Variants in DLG2 observed in about 807,000 individuals in gnomAD.
The protein encoded by DLG2 is disks large homolog 2.
DLG2 carries 45 observed loss-of-function variants against 132.5 expected under a neutral mutation model. The observed-to-expected ratio is 0.34, with a 90% CI of 0.27 to 0.44. The LOEUF (loss-of-function observed/expected upper bound fraction) is 0.44. DLG2 is among the 20% of genes least tolerant of loss of function. The probability of loss-of-function intolerance (pLI) is 1.00; values close to 1 mark genes in which losing one functional copy is unlikely to be tolerated. For synonymous variants in DLG2, 424 were observed against 419.6 expected, an observed-to-expected ratio of 1.01 and a Z score of -0.13; for missense variants, 1,045 against 1,196.9, an observed-to-expected ratio of 0.87 and a Z score of 1.87.
At chr11:84,684,418 T>A (rs1425635130) in intron 6 of DLG2, among the ~76,000 whole-genome samples, 1 of 152,182 alleles carries the variant, frequency 6.6e-6, no homozygotes, top group East Asian at 1.9e-4. Context: ...TCTAAGCCTC[T>A]CCACTCCATT....
At chr11:83,672,149 TTTCCTTCCC>T (rs1179973935) in intron 18 of DLG2, among the ~76,000 whole-genome samples, 3 of 151,942 alleles carry the variant, frequency 2.0e-5, no homozygotes, top group Admixed American at 2.0e-4. Flanking sequence ...CCTTCTTTCC[TTTCCTTCCC>T]TTCCTTCCCT....
In DLG2 at chr11:84,468,764, A is replaced by G. The variant is rs562610339; in HGVS notation, c.519+65806T>C. Among the ~76,000 whole-genome samples the G allele has an allele frequency of 1.3e-4, 19 of 151,778 alleles. No homozygotes were observed. The South Asian group carries it at 3.7e-3, about 30-fold the overall frequency. On this transcript the variant is annotated intron_variant, in intron 7 of 27. Transcript: ENST00000376104. Reference sequence around the variant, plus strand: ...TACTAGAATATTTGTAAAATACACAAAATTTTAGAGTTTAATATACAAACC... The same window carrying G: ...TACTAGAATATTTGTAAAATACACAGAATTTTAGAGTTTAATATACAAACC...
At position 85,507,500 on chromosome 11, in the gene DLG2, A is replaced by G. The variant is rs142326465; in HGVS notation, c.40+91157T>C. 5.8e-3 allele frequency among the ~76,000 whole-genome samples: 885 copies of G among 152,232 alleles called. 10 individuals are homozygous for G. The highest frequency in any genetic ancestry group is 0.021 in the African/African-American group (861 of 41,558). Reference sequence around the variant, plus strand: ...AGTTTGGTTGGATATGAAATTCTGGATTGAAAATTATTTTCTTTAAGAAAG... The same window carrying G: ...AGTTTGGTTGGATATGAAATTCTGGGTTGAAAATTATTTTCTTTAAGAAAG... On this transcript the variant is annotated intron_variant, in intron 3 of 27. Transcript: ENST00000376104.
At position 83,921,505 on chromosome 11, in the gene DLG2, T is replaced by C. The variant is rs372121836; in HGVS notation, c.1496+8823A>G. Among the ~76,000 whole-genome samples, 90 of 152,300 alleles carry C rather than the reference T, an allele frequency of 5.9e-4. 1 individual carries two copies. In the South Asian group the frequency reaches 0.018, roughly 30 times the overall value. On this transcript the variant is annotated intron_variant, in intron 15 of 27. Coordinates refer to ENST00000376104, the MANE Select transcript of DLG2 (RefSeq NM_001142699.3). ...TATAAGGTTAAAATGAGTTGGTACA[T>C]ATAAAACTTCTGGAATAGCGCATAG...
chr11:84,961,526 T>TTGTGTTTG, intron 6 of DLG2, among the ~76,000 whole-genome samples: 1 of 143,892 alleles, frequency 6.9e-6, no homozygotes, highest in African/African-American at 2.6e-5. Context: ...AATTGTATCT[T>TTGTGTTTG]TGTGTGTGTG....
chr11:84,171,859 G>C (rs922534280), intron 8 of DLG2, among the ~76,000 whole-genome samples: 2 of 152,076 alleles, frequency 1.3e-5, no homozygotes, highest in Non-Finnish European at 2.9e-5. Flanking sequence ...CATTACAAAA[G>C]CCTGAGGCTT....
chr11:84,499,978 T>A (rs1227582465), intron 7 of DLG2, among the ~76,000 whole-genome samples: 1 of 152,134 alleles, frequency 6.6e-6, no homozygotes, highest in Non-Finnish European at 1.5e-5. Context: ...TTAAAATAAT[T>A]ACTGATGATC....
chr11:84,824,278 C>A (rs574088982), intron 6 of DLG2, among the ~76,000 whole-genome samples: 1 of 152,010 alleles, frequency 6.6e-6, no homozygotes, highest in Non-Finnish European at 1.5e-5. Context: ...TCATTCTATA[C>A]TAGGTGCTAT....
chr11:83,897,538 C>G (rs1436280072), intron 15 of DLG2, among the ~76,000 whole-genome samples: 1 of 152,130 alleles, frequency 6.6e-6, no homozygotes, highest in Non-Finnish European at 1.5e-5. Flanking sequence ...AATCTCTGCT[C>G]TCTAAATAAC....
chr11:83,503,537 A>G (rs977930706), intron 21 of DLG2, among the ~76,000 whole-genome samples: 2 of 151,364 alleles, frequency 1.3e-5, no homozygotes, highest in African/African-American at 2.4e-5. Flanking sequence ...AAGAGAAAGG[A>G]GAGCCAGTCC....
At chr11:84,537,962 T>C (rs541863536) in intron 6 of DLG2, among the ~76,000 whole-genome samples, 4 of 152,352 alleles carry the variant, frequency 2.6e-5, no homozygotes, top group African/African-American at 9.6e-5. Flanking sequence ...CTTGACACAA[T>C]CTAAAAGGAC....
chr11:84,697,860 T>C (rs2058779683), intron 6 of DLG2, among the ~76,000 whole-genome samples: 1 of 151,446 alleles, frequency 6.6e-6, no homozygotes, highest in Admixed American at 6.6e-5. Context: ...ATGTTACAGC[T>C]AGATGGACCT....
At chr11:83,471,528 C>A (rs2092022640) in intron 24 of DLG2, 98 bp downstream of exon 24, 1 of 836,868 alleles carries the variant, frequency 1.2e-6, no homozygotes, top group Admixed American at 2.2e-5. Context: ...ATTTGAATTA[C>A]TGGAGAGACT....
chr11:85,066,715 G>A (rs575296597), intron 6 of DLG2, among the ~76,000 whole-genome samples: 16 of 151,494 alleles, frequency 1.1e-4, no homozygotes, highest in East Asian at 2.0e-4. Context: ...AACAGACACC[G>A]AAAAAGCATT....
At chr11:84,849,733 C>T (rs905359101) in intron 6 of DLG2, among the ~76,000 whole-genome samples, 1 of 152,094 alleles carries the variant, frequency 6.6e-6, no homozygotes, top group Admixed American at 6.6e-5. Flanking sequence ...TCTTTTATAG[C>T]ACTTACAACG....
At chr11:84,258,445 A>G (rs1046489180) in intron 7 of DLG2, among the ~76,000 whole-genome samples, 2 of 152,208 alleles carry the variant, frequency 1.3e-5, no homozygotes, top group East Asian at 3.9e-4. Flanking sequence ...TAACAAGAAT[A>G]ACAATAATAA....
chr11:84,879,028 T>C (rs956034596), intron 6 of DLG2, among the ~76,000 whole-genome samples: 3 of 152,066 alleles, frequency 2.0e-5, no homozygotes, highest in African/African-American at 4.8e-5. Flanking sequence ...TCAGCAGGGG[T>C]GTAGAGCTTC....
intron 6 of DLG2, among the ~76,000 whole-genome samples, chr11:84,772,450 T>C (rs1312430622): frequency 6.6e-6 from 1 of 152,140 alleles, no homozygotes; most frequent in Non-Finnish European, 1.5e-5. Flanking sequence ...CTGGATCTAA[T>C]AGACATCTAC....
At chr11:83,627,579 T>C (rs181022919) in intron 19 of DLG2, among the ~76,000 whole-genome samples, 1,940 of 152,352 alleles carry the variant, frequency 0.013, 58 homozygotes, top group African/African-American at 0.044. Context: ...TTCCATGGTG[T>C]ATATGTGCCA....
Sources: gnomAD v4.1 joint callset for allele counts (sites outside exome capture counted in the v4.1 genomes callset) on GRCh38, gnomAD v4.1.1 for gene constraint, MANE v1.5 for transcripts, NCBI Gene and HGNC (gene_info 2026-07-23, HGNC 2026-07-21) for gene names.